GAK: variants seen among roughly 807,000 people sequenced by gnomAD.
The protein encoded by GAK is cyclin-G-associated kinase.
A neutral mutation model predicts 143.9 loss-of-function variants in GAK; 79 were observed. The ratio of observed to expected loss-of-function variants is 0.55; its 90% confidence interval spans 0.46 to 0.66. The LOEUF is 0.66. Among genes scored for constraint, GAK ranks in the 30% least tolerant of loss-of-function variants. The pLI is 0.00. For missense variants in GAK, 1,693 were observed against 1,779.7 expected, an observed-to-expected ratio of 0.95 and a Z score of 0.88; for synonymous variants, 881 against 765.5, an observed-to-expected ratio of 1.15 and a Z score of -2.49.
chr4:931,850 C>A (rs1368290602), intron 1 of GAK, among the ~76,000 whole-genome samples, 193 bp downstream of exon 1: 1 of 152,196 alleles, frequency 6.6e-6, no homozygotes, highest in Non-Finnish European at 1.5e-5. Flanking sequence ...CACCTACGCC[C>A]GCGCTATGAC....
chr4:887,882 TACTC>T lies in GAK; in HGVS notation c.1205+961_1205+964del, dbSNP rs200901647. The T allele has an allele frequency of 1.6e-3, 250 of 151,994 alleles. 1 individual carries two copies. Among genetic ancestry groups the T allele is most frequent in the East Asian group, 0.015 (77 of 5,142 alleles). The allele number at this position is 151,994 out of a possible 1,614,324, so 9.4% of individuals were successfully genotyped here. A position where few individuals can be genotyped will look rare whatever the true frequency, so the allele number is the denominator to read the frequency against. ...CAGCAATCACACACGCCTATGCACA[TACTC>T]ACACCAGCATTTACACACACATGCA... On this transcript the variant is annotated intron_variant, in intron 11 of 27. Transcript: ENST00000314167.
chr4:914,832 GCCC>G (rs1722817223), intron 1 of GAK, among the ~76,000 whole-genome samples: 3 of 100,306 alleles, frequency 3.0e-5, no homozygotes, highest in South Asian at 3.7e-4. Flanking sequence ...AACGTACACG[GCCC>G]CCAACACAGA....
intron 6 of GAK, among the ~76,000 whole-genome samples, chr4:897,004 G>C (rs926664831): frequency 2.6e-5 from 4 of 152,212 alleles, no homozygotes; most frequent in East Asian, 3.8e-4. Flanking sequence ...ACTGGTTCAA[G>C]GTTAACAATG....
At chr4:851,117 G>A (rs769449141) in intron 25 of GAK, 33 bp from the exon 26 acceptor site, 3 of 1,598,258 alleles carry the variant, frequency 1.9e-6, no homozygotes. Context: ...TTTTGTTTGA[G>A]ACAGGGTCTC....
intron 11 of GAK, chr4:887,065 C>T (rs1458773281): frequency 6.6e-6 from 1 of 152,300 alleles, no homozygotes; most frequent in Non-Finnish European, 1.5e-5. Flanking sequence ...CACGCACTCA[C>T]AGGCACACAG....
At chr4:860,629 G>A (rs898462868) in intron 23 of GAK, among the ~76,000 whole-genome samples, 15 of 152,214 alleles carry the variant, frequency 9.9e-5, no homozygotes, top group African/African-American at 3.4e-4. Flanking sequence ...GATGGCAGTT[G>A]CCCCTGGGCA....
intron 27 of GAK, 59 bp from the exon 28 acceptor site, chr4:849,833 G>GGGGGGGGGGGCCCCCC: frequency 8.4e-7 from 1 of 1,190,154 alleles, no homozygotes; most frequent in Non-Finnish European, 1.2e-6. Context: ...GGCGGGGCAG[G>GGGGGGGGGGGCCCCCC]ACCCCCCCCC....
chr4:913,817 C>A (rs1333094760), intron 1 of GAK, 149 bp from the exon 2 acceptor site: 2 of 660,474 alleles, frequency 3.0e-6, no homozygotes, highest in East Asian at 2.8e-5. Flanking sequence ...CGTACACGCC[C>A]CCCGCAAACA....
At chr4:931,969 G>C (rs1350654489) in intron 1 of GAK, 74 bp downstream of exon 1, 2 of 1,124,990 alleles carry the variant, frequency 1.8e-6, no homozygotes, top group East Asian at 2.6e-5. Context: ...CTTCCACTCC[G>C]GGCTGACGCT....
intron 4 of GAK, among the ~76,000 whole-genome samples, chr4:906,196 C>T (rs3796611): frequency 8.3e-4 from 126 of 152,352 alleles, no homozygotes; most frequent in East Asian, 2.5e-3. Context: ...GAGCCGTTAA[C>T]GTGAGAATCA....
intron 21 of GAK, 100 bp from the exon 22 acceptor site, chr4:866,634 G>A (rs987918192): frequency 8.3e-5 from 110 of 1,330,278 alleles, no homozygotes; most frequent in Non-Finnish European, 1.1e-4. Context: ...CACTCCAGCT[G>A]GGCAGCCCAG....
intron 1 of GAK, among the ~76,000 whole-genome samples, chr4:921,934 G>A (rs7658213): frequency 0.028 from 4,293 of 152,140 alleles, 181 homozygotes; most frequent in African/African-American, 0.097. Context: ...AAGCTATCGG[G>A]AAAATGCAAA....
At chr4:908,926 A>G (rs1577269446) in intron 4 of GAK, among the ~76,000 whole-genome samples, 1 of 151,978 alleles carries the variant, frequency 6.6e-6, no homozygotes, top group African/African-American at 2.4e-5. Flanking sequence ...TGCAACCTCC[A>G]CCTCCCAGGT....
intron 1 of GAK, among the ~76,000 whole-genome samples, chr4:930,980 C>T (rs530015196): frequency 6.6e-6 from 1 of 152,308 alleles, no homozygotes. Context: ...GCTTTTGTGT[C>T]GCTTCACTCC....
At chr4:874,239 A>G (rs777783545) in intron 18 of GAK, among the ~76,000 whole-genome samples, 6 of 152,142 alleles carry the variant, frequency 3.9e-5, no homozygotes, top group Non-Finnish European at 7.3e-5. Flanking sequence ...TGTTACTACC[A>G]AACAGGTTTT....
chr4:902,111 G>A (rs1158960515), intron 5 of GAK, among the ~76,000 whole-genome samples: 1 of 151,972 alleles, frequency 6.6e-6, no homozygotes, highest in Non-Finnish European at 1.5e-5. Context: ...GGTGGCATAT[G>A]CCTGTAATCC....
At chr4:862,407 T>C (rs1044863390) in intron 23 of GAK, among the ~76,000 whole-genome samples, 2 of 152,346 alleles carry the variant, frequency 1.3e-5, no homozygotes, top group South Asian at 4.1e-4. Flanking sequence ...ACGCCTGTAA[T>C]CCCAGCACTT....
At chr4:897,141 C>T (rs1343483835) in intron 6 of GAK, among the ~76,000 whole-genome samples, 1 of 152,184 alleles carries the variant, frequency 6.6e-6, no homozygotes, top group African/African-American at 2.4e-5. Context: ...GGCCGCAGAG[C>T]TGTGAGGAGA....
Position 865,150 on chromosome 4 carries a change from C to T in GAK, c.3138G>A (p.Ser1046=), listed in dbSNP as rs770478502. ...CTGTGGCTGGCGTGGGGGCCACTGCCGATGCTGCAGTCTCGGTCCAGGCAG... is the reference window on the plus strand; with the variant it reads ...CTGTGGCTGGCGTGGGGGCCACTGCTGATGCTGCAGTCTCGGTCCAGGCAG... ...GWAAWTETAA[S]AVAPTPATEG... Residue 1046 remains serine, a synonymous_variant, in exon 23 of 28, where the codon TCG becomes TCA. Coordinates refer to ENST00000314167, the MANE Select transcript of GAK (RefSeq NM_005255.4). The T allele has an allele frequency of 2.4e-5, 38 of 1,610,810 alleles. No individual in the cohort carries two copies. The highest frequency in any genetic ancestry group is 1.7e-4 in the Middle Eastern group (1 of 6,038).
Sources: gnomAD v4.1 joint callset for allele counts (sites outside exome capture counted in the v4.1 genomes callset) on GRCh38, gnomAD v4.1.1 for gene constraint, MANE v1.5 for transcripts, NCBI Gene and HGNC (gene_info 2026-07-23, HGNC 2026-07-21) for gene names.